Variants in FAM50A observed in about 807,000 individuals in gnomAD.
FAM50A encodes protein FAM50A.
A neutral mutation model predicts 35.5 loss-of-function variants in FAM50A; 6 were observed. The observed-to-expected ratio is 0.17, with a 90% CI of 0.09 to 0.33. FAM50A has a LOEUF of 0.33. Among genes scored for constraint, FAM50A ranks in the 10% least tolerant of loss-of-function variants. The pLI is 1.00. For missense variants in FAM50A, 145 were observed against 295.5 expected, an observed-to-expected ratio of 0.49 and a Z score of 3.73; for synonymous variants, 120 against 110.9, an observed-to-expected ratio of 1.08 and a Z score of -0.52.
At chrX:154,448,414 C>T in intron 4 of FAM50A, 70 bp from the exon 5 acceptor site, 1 of 943,667 alleles carries the variant, frequency 1.1e-6, no homozygotes, top group African/African-American at 1.9e-5. Context: ...GCTTGGGGGA[C>T]CCTGGGCGTC....
At chrX:154,445,777 G>A (rs782673691) in intron 2 of FAM50A, 35 bp from the exon 3 acceptor site, 35 of 1,194,766 alleles carry the variant, frequency 2.9e-5, no homozygotes, top group South Asian at 5.3e-5. Flanking sequence ...CTGGCCCTGC[G>A]ACTACCTTGC....
At chrX:154,449,147 G>C in intron 7 of FAM50A, 74 bp from the exon 8 acceptor site, 1 of 986,601 alleles carries the variant, frequency 1.0e-6, no homozygotes, top group African/African-American at 1.9e-5. Context: ...AGGGCCCTCT[G>C]GGCCTCTGCC....
At chrX:154,446,767 G>A (rs897695081) in intron 4 of FAM50A, among the ~76,000 whole-genome samples, 1 of 112,341 alleles carries the variant, frequency 8.9e-6, no homozygotes, top group Non-Finnish European at 1.9e-5. Flanking sequence ...AAATGTTAGA[G>A]TCTGTGCCAC....
rs146728107 is a variant in FAM50A, at chrX:154,445,766, G to A, written c.197-46G>A. 17,338 of 1,186,483 alleles carry A rather than the reference G, an allele frequency of 0.015. 1,561 individuals carry two copies. In the African/African-American group the frequency reaches 0.27, roughly 18 times the overall value. ...CACCCGGGCCCCGGGCCACTCTTCC[G>A]CTGGCCCTGCGACTACCTTGCCCCT... On this transcript the variant is annotated intron_variant, in intron 2 of 12. Coordinates refer to ENST00000393600, the MANE Select transcript of FAM50A (RefSeq NM_004699.4).
In FAM50A at chrX:154,446,494, G is replaced by A. The variant is rs1557199833; in HGVS notation, c.376G>A (p.Glu126Lys). ...KISSLSFTLE[E>K]EEEGGEEEEE... ...CTCCAGCCTGTCCTTCACCCTGGAG[G>A]AGGAAGAAGAGGGAGGCGAGGAGGA... Residue 126 changes from glutamate to lysine, a missense_variant, in exon 4 of 13, where the codon GAG becomes AAG. Physicochemically the swap from Glu to Lys is moderately conservative, Grantham distance 56. Around this residue, in one of 5 missense-constraint regions of FAM50A, gnomAD observed 32 missense variants for 22.9 expected, o/e 1.40. Transcript: ENST00000393600. The A allele has an allele frequency of 8.3e-7, 1 of 1,203,579 alleles. No individual in the cohort carries two copies. Among genetic ancestry groups the A allele is most frequent in the Non-Finnish European group, 1.1e-6 (1 of 888,981 alleles).
rs1459177240 is a variant in FAM50A, at chrX:154,449,036, C to CT, written c.648+84dup. ...CGTGGGAAGGAACTGACCTTCCTGA[C>CT]TTGGGAAGCCCCAGGGATCCTGAGG... On this transcript the variant is annotated intron_variant, in intron 7 of 12. Coordinates refer to ENST00000393600, the MANE Select transcript of FAM50A (RefSeq NM_004699.4). 20 of 1,003,081 alleles carry CT rather than the reference C, an allele frequency of 2.0e-5. No homozygotes were observed. In the East Asian group the frequency reaches 5.8e-4, roughly 29 times the overall value. The allele number at this position is 1,003,081 out of a possible 1,213,427, so 82.7% of individuals were successfully genotyped here. A position where few individuals can be genotyped will look rare whatever the true frequency, so the allele number is the denominator to read the frequency against.
At chrX:154,446,280 G>A (rs1034295059) in intron 3 of FAM50A, 135 bp from the exon 4 acceptor site, 16 of 562,347 alleles carry the variant, frequency 2.8e-5, no homozygotes, top group African/African-American at 1.8e-4. Flanking sequence ...AGCAGGACCC[G>A]TCTGGGGCAA....
chrX:154,444,401 G>A, intron 1 of FAM50A, 55 bp downstream of exon 1: 1 of 799,170 alleles, frequency 1.3e-6, no homozygotes, highest in African/African-American at 2.2e-5. Flanking sequence ...CGGCGGCCCC[G>A]CGCCACGCTC....
rs1392280542 is a variant in FAM50A, at chrX:154,445,992, G to T, written c.296+81G>T. On this transcript the variant is annotated intron_variant, in intron 3 of 12. Transcript: ENST00000393600. ...GCTGGTCGGGCTCTTTTTGCACCCT[G>T]GGGGGGACCCTGTCTCCAGCTTTGG... 6.9e-6 allele frequency: 5 copies of T among 719,510 alleles called. No individual in the cohort carries two copies. The African/African-American group carries it at 1.1e-4, about 15-fold the overall frequency. The allele number at this position is 719,510 out of a possible 1,213,427, so 59.3% of individuals were successfully genotyped here.
chrX:154,449,070 C>A, intron 7 of FAM50A, 116 bp downstream of exon 7: 1 of 901,057 alleles, frequency 1.1e-6, no homozygotes, highest in African/African-American at 2.0e-5. Flanking sequence ...GGATAACTGG[C>A]TCCAGGGCCT....
At position 154,449,448 on chromosome X, in the gene FAM50A, C is replaced by G. The variant is rs781975942; in HGVS notation, c.725+151C>G. 192 of 529,477 alleles carry G rather than the reference C, an allele frequency of 3.6e-4. 1 individual carries two copies. Among genetic ancestry groups the G allele is most frequent in the African/African-American group, 3.0e-3 (132 of 43,334 alleles). 43.6% of individuals were successfully genotyped at this position (529,477 alleles called of 1,213,427 possible). A position where few individuals can be genotyped will look rare whatever the true frequency, so the allele number is the denominator to read the frequency against. On this transcript the variant is annotated intron_variant, in intron 8 of 12. Transcript: ENST00000393600. ...CAAAAGAGGGGGTCAGGCTCCTCTT[C>G]CCTTCCCTCCCACCAGAGAGCTTTG... is the stretch of plus-strand genomic sequence containing the variant.
Position 154,444,295 on chromosome X carries a change from G to A in FAM50A, c.60G>A (p.Lys20=). The A allele has an allele frequency of 8.9e-7, 1 of 1,123,426 alleles. No homozygotes were observed. The highest frequency in any genetic ancestry group is 1.2e-6 in the Non-Finnish European group (1 of 850,694). 92.6% of individuals were successfully genotyped at this position (1,123,426 alleles called of 1,213,427 possible). A position where few individuals can be genotyped will look rare whatever the true frequency, so the allele number is the denominator to read the frequency against. ...EAGRAMHLMK[K]REKQREQMEQ... is the part of the protein sequence containing the mutation. ...GCCGCGCCATGCACCTGATGAAGAA[G>A]CGGGAGAAGCAGCGCGAGCAGATGG... is the stretch of plus-strand genomic sequence containing the variant. The change falls in exon 1 of 13, where the codon AAG becomes AAA. Residue 20 remains lysine, a synonymous_variant. Transcript: ENST00000393600.
chrX:154,449,140 G>A, intron 7 of FAM50A, 81 bp from the exon 8 acceptor site: 1 of 950,974 alleles, frequency 1.1e-6, no homozygotes, highest in African/African-American at 1.9e-5. Context: ...GTCTGGCAGG[G>A]CCCTCTGGGC....
At position 154,450,547 on chromosome X, in the gene FAM50A, G is replaced by A; in HGVS notation, c.*115G>A. On this transcript the variant is annotated 3_prime_UTR_variant, in exon 13 of 13. Coordinates refer to ENST00000393600, the MANE Select transcript of FAM50A (RefSeq NM_004699.4). ...ACCATGCCAGGCACGCTGGGAGGAG[G>A]ACGGCAGCTGCTCGTGTCCTGCCCC... The A allele has an allele frequency of 1.3e-6, 1 of 750,304 alleles. No homozygotes were observed. The highest frequency in any genetic ancestry group is 2.1e-5 in the African/African-American group (1 of 48,125). 61.8% of individuals were successfully genotyped at this position (750,304 alleles called of 1,213,427 possible). A position where few individuals can be genotyped will look rare whatever the true frequency, so the allele number is the denominator to read the frequency against.
intron 7 of FAM50A, 101 bp from the exon 8 acceptor site, chrX:154,449,120 G>A (rs2068793945): frequency 5.6e-6 from 5 of 899,330 alleles, no homozygotes; most frequent in Non-Finnish European, 6.4e-6. Context: ...CCTGGCTGAG[G>A]CTCTGCAGCG....
chrX:154,450,206 T>C lies in FAM50A; in HGVS notation c.901-3T>C. 1 of 1,209,442 alleles carries C rather than the reference T, an allele frequency of 8.3e-7. No homozygotes were observed. Among genetic ancestry groups the C allele is most frequent in the Middle Eastern group, 2.3e-4 (1 of 4,341 alleles). ...GCGGCCCTGTGCCCTCTTCCTCCCT[T>C]AGTCCCATGCAGGCAAGGTGGTGCT... On this transcript the variant is annotated splice_region_variant and splice_polypyrimidine_tract_variant and intron_variant, in intron 11 of 12. Coordinates refer to ENST00000393600, the MANE Select transcript of FAM50A (RefSeq NM_004699.4).
Position 154,449,714 on chromosome X carries a change from G to A in FAM50A, c.759G>A (p.Lys253=). The A allele has an allele frequency of 8.3e-7, 1 of 1,210,704 alleles. No individual in the cohort carries two copies. Among genetic ancestry groups the A allele is most frequent in the Non-Finnish European group, 1.1e-6 (1 of 894,451 alleles). The change falls in exon 9 of 13, where the codon AAG becomes AAA. Residue 253 remains lysine, a synonymous_variant. Coordinates refer to ENST00000393600, the MANE Select transcript of FAM50A (RefSeq NM_004699.4). The stretch of plus-strand genomic sequence containing the variant: ...GGGTGGAGCAGCTCATGTACATCAA[G>A]GAGGACTTGATCATCCCTCACGTGA... ...SAGVEQLMYI[K]EDLIIPHHHS...
chrX:154,445,326 C>T (rs1464401916), intron 1 of FAM50A: 4 of 334,577 alleles, frequency 1.2e-5, no homozygotes, highest in Admixed American at 9.3e-5. Flanking sequence ...TAACCCTTGG[C>T]TTGGGTCTCG....
Position 154,448,456 on chromosome X carries a change from T to C in FAM50A, c.443-28T>C, listed in dbSNP as rs781874997. 6.0e-6 allele frequency: 7 copies of C among 1,166,846 alleles called. No homozygotes were observed. In the African/African-American group the frequency reaches 1.2e-4, roughly 21 times the overall value. On this transcript the variant is annotated intron_variant, in intron 4 of 12. Transcript: ENST00000393600. ...ATCAAAATCATTTTTATAATAATGC[T>C]ATGATATTCGGCTTCCTTTTGTTCC...
Sources: allele counts gnomAD v4.1 joint callset (sites outside exome capture counted in the v4.1 genomes callset), GRCh38; gene constraint gnomAD v4.1.1; regional missense constraint gnomAD v4.1.1; transcripts MANE v1.5; gene names NCBI Gene and HGNC (gene_info 2026-07-23, HGNC 2026-07-21).